Variants in ANK2 observed in about 807,000 individuals in gnomAD.
ANK2 encodes the protein ankyrin 2.
Under a neutral mutation model 360.5 loss-of-function variants are expected in ANK2, and 83 were observed. That is an observed-to-expected ratio of 0.23 (90% confidence interval 0.19 to 0.28). The LOEUF (loss-of-function observed/expected upper bound fraction) is 0.28, where lower values mean the gene tolerates loss of function less well. Ranked by LOEUF, ANK2 falls within the 10% of genes least tolerant of loss-of-function variation. ANK2 has a pLI of 1.00. For synonymous variants in ANK2, 1,740 were observed against 1,759.5 expected (o/e 0.99, Z 0.28); for missense variants, 4,201 against 4,795.7 (o/e 0.88, Z 3.66).
chr4:112,732,201 C>A, the ANK2 span, among the ~76,000 whole-genome samples: 5 of 151,522 alleles, frequency 3.3e-5, no homozygotes, highest in East Asian at 9.7e-4. Context: ...AAATGGATAC[C>A]ATTATTATTC....
rs996292839 is a variant in ANK2, at chr4:113,374,839, A to C, written c.11859+1390A>C. 3.1e-6 allele frequency: 4 copies of C among 1,272,344 alleles called. No individual in the cohort carries two copies. The African/African-American group carries it at 6.1e-5, about 19-fold the overall frequency. The allele number at this position is 1,272,344 out of a possible 1,614,324, so 78.8% of individuals were successfully genotyped here. ...TGAGCCAGTGGAAGGCCGTAGAGTCAGCAAAGTTGTTAAAACAACTGTGGT... is the reference window on the plus strand; with the variant it reads ...TGAGCCAGTGGAAGGCCGTAGAGTCCGCAAAGTTGTTAAAACAACTGTGGT... On this transcript the variant is annotated intron_variant, in intron 45 of 45. Transcript: ENST00000357077.
At chr4:113,235,027 A>G (rs918122230) in intron 5 of ANK2, among the ~76,000 whole-genome samples, 5 of 152,210 alleles carry the variant, frequency 3.3e-5, no homozygotes, top group African/African-American at 9.6e-5. Flanking sequence ...ATTTTTATAC[A>G]GTATTTCTCT....
At chr4:113,246,427 C>T (rs2042916028) in intron 9 of ANK2, among the ~76,000 whole-genome samples, 1 of 152,130 alleles carries the variant, frequency 6.6e-6, no homozygotes, top group Non-Finnish European at 1.5e-5. Context: ...AACTCTAAGA[C>T]ATTTGCACCA....
intron 43 of ANK2, chr4:113,372,685 A>G: frequency 8.5e-7 from 1 of 1,169,646 alleles, no homozygotes; most frequent in Non-Finnish European, 1.2e-6. Context: ...TCTAAGAGTG[A>G]TCAACCTGGA....
chr4:112,827,117 C>A, intron 1 of ANK2: 1 of 1,078,104 alleles, frequency 9.3e-7, no homozygotes, highest in Non-Finnish European at 1.4e-6. Context: ...GAAAAACTGA[C>A]TGCAATTGCT....
chr4:113,140,433 G>T (rs1465782267), intron 1 of ANK2, among the ~76,000 whole-genome samples: 1 of 152,164 alleles, frequency 6.6e-6, no homozygotes, highest in African/African-American at 2.4e-5. Context: ...TATTAATGAT[G>T]ATCTGAAAAA....
intron 2 of ANK2, among the ~76,000 whole-genome samples, chr4:113,022,803 T>C (rs2058454157): frequency 6.6e-6 from 1 of 152,218 alleles, no homozygotes. Context: ...TTGTGTTTTA[T>C]CATCCTGATG....
At chr4:113,371,960 T>C (rs962716232) in intron 43 of ANK2, among the ~76,000 whole-genome samples, 7 of 152,236 alleles carry the variant, frequency 4.6e-5, no homozygotes, top group Non-Finnish European at 4.4e-5. Context: ...TAAAATACTA[T>C]TGACCACTTT....
chr4:112,911,737 A>G (rs1440702028), intron 2 of ANK2, among the ~76,000 whole-genome samples: 1 of 152,246 alleles, frequency 6.6e-6, no homozygotes, highest in Admixed American at 6.5e-5. Flanking sequence ...TCATTGAGAT[A>G]AAAAAAGAAA....
intron 2 of ANK2, among the ~76,000 whole-genome samples, chr4:112,929,319 ACTT>A (rs1391070023): frequency 5.1e-4 from 77 of 152,356 alleles, no homozygotes; most frequent in African/African-American, 1.7e-3. Context: ...ACACTACTAT[ACTT>A]CTCTTATTGG....
intron 19 of ANK2, 119 bp from the exon 20 acceptor site, chr4:113,288,269 G>T: frequency 1.2e-6 from 1 of 862,678 alleles, no homozygotes; most frequent in Non-Finnish European, 1.8e-6. Context: ...AATATCTTTA[G>T]TCAAATGGAA....
the ANK2 span, among the ~76,000 whole-genome samples, chr4:112,736,483 A>T: frequency 6.7e-6 from 1 of 148,790 alleles, no homozygotes; most frequent in African/African-American, 2.5e-5. Context: ...AAAAAAAAAT[A>T]GAACCATAAA....
chr4:112,758,577 G>A, the ANK2 span, among the ~76,000 whole-genome samples: 1 of 152,116 alleles, frequency 6.6e-6, no homozygotes, highest in South Asian at 2.1e-4. Flanking sequence ...ACCAGGCCCG[G>A]CTAATTTTTG....
At chr4:112,978,697 T>C (rs2042190741) in intron 2 of ANK2, among the ~76,000 whole-genome samples, 2 of 152,238 alleles carry the variant, frequency 1.3e-5, no homozygotes, top group South Asian at 4.1e-4. Flanking sequence ...TGAATCTCTA[T>C]GCCACATTTA....
In ANK2 at chr4:113,249,860, A is replaced by G. The variant is rs2045178375; in HGVS notation, c.988A>G (p.Lys330Glu). ...GGGTGCCCCCTTGCTGGCAAGGACT[A>G]AGGTGAGTCATTATGAGTAAGATGG... ...ERGAPLLART[K>E]NGLSPLHMAA... Residue 330 changes from lysine to glutamate, a missense_variant and splice_region_variant, in exon 10 of 46, where the codon AAG becomes GAG. By Grantham distance (56) the Lys-to-Glu change is moderately conservative. Coordinates refer to ENST00000357077, the MANE Select transcript of ANK2 (RefSeq NM_001148.6). 6.2e-7 allele frequency: 1 copy of G among 1,613,540 alleles called. No homozygotes were observed. Among genetic ancestry groups the G allele is most frequent in the Non-Finnish European group, 8.5e-7 (1 of 1,179,642 alleles).
chr4:113,088,729 C>T (rs649022), intron 1 of ANK2, among the ~76,000 whole-genome samples: 107,061 of 151,934 alleles, frequency 0.7, 39,230 homozygotes, highest in African/African-American at 0.92. Context: ...ATATATGAAT[C>T]CACCGAACTG....
chr4:113,056,605 A>G (rs1377430666), intron 1 of ANK2, among the ~76,000 whole-genome samples: 1 of 152,146 alleles, frequency 6.6e-6, no homozygotes, highest in Admixed American at 6.6e-5. Flanking sequence ...CTTTTACTAG[A>G]TAGAGCAGAG....
chr4:113,199,514 G>T (rs1205427527), intron 4 of ANK2, among the ~76,000 whole-genome samples: 2 of 151,974 alleles, frequency 1.3e-5, no homozygotes, highest in Non-Finnish European at 2.9e-5. Flanking sequence ...CATAAGGTGG[G>T]AATAACACTA....
At chr4:113,248,322 C>T (rs2044157448) in intron 9 of ANK2, among the ~76,000 whole-genome samples, 1 of 151,930 alleles carries the variant, frequency 6.6e-6, no homozygotes, top group African/African-American at 2.4e-5. Context: ...CAGCGGGACT[C>T]AATACCAGTG....
Sources: allele counts gnomAD v4.1 joint callset (sites outside exome capture counted in the v4.1 genomes callset), GRCh38; gene constraint gnomAD v4.1.1; transcripts MANE v1.5; gene names NCBI Gene and HGNC (gene_info 2026-07-23, HGNC 2026-07-21).